The following CCAR1 variants were observed in gnomAD, a reference collection of about 807,000 sequenced individuals.
CCAR1 encodes cell division cycle and apoptosis regulator 1, also known as cell division cycle and apoptosis regulator protein 1.
CCAR1 carries 78 observed loss-of-function variants against 163.8 expected under a neutral mutation model. That is an observed-to-expected ratio of 0.48 (90% CI 0.40 to 0.57). The LOEUF (loss-of-function observed/expected upper bound fraction) is 0.57. CCAR1 is among the 20% of genes least tolerant of loss of function. CCAR1 has a pLI of 0.00. For synonymous variants in CCAR1, 443 were observed against 460.7 expected (o/e 0.96, Z 0.49); for missense variants, 1,019 against 1,365.2 (o/e 0.75, Z 4.00).
chr10:68,738,637 C>T (rs1355684664), intron 4 of CCAR1, among the ~76,000 whole-genome samples: 2 of 151,582 alleles, frequency 1.3e-5, no homozygotes, highest in Admixed American at 1.3e-4. Context: ...ATTTTTGTTA[C>T]ATTAACTAAC....
At chr10:68,778,982 C>G (rs900653663) in intron 19 of CCAR1, among the ~76,000 whole-genome samples, 2 of 152,196 alleles carry the variant, frequency 1.3e-5, no homozygotes, top group Non-Finnish European at 2.9e-5. Context: ...TCCTGAGTAG[C>G]TGGGATCACA....
chr10:68,774,181 T>C (rs1219036012), intron 19 of CCAR1, among the ~76,000 whole-genome samples: 3 of 151,940 alleles, frequency 2.0e-5, no homozygotes, highest in Non-Finnish European at 4.4e-5. Context: ...CCTGAGCCAC[T>C]GTGCCCGGCC....
chr10:68,760,246 C>G (rs977454131), intron 15 of CCAR1, among the ~76,000 whole-genome samples: 2 of 152,128 alleles, frequency 1.3e-5, no homozygotes, highest in African/African-American at 4.8e-5. Context: ...CTCCTGGGCT[C>G]AAGCAGTCTT....
chr10:68,737,901 T>A lies in CCAR1; in HGVS notation c.291+12T>A, dbSNP rs756366488. 1 of 1,567,008 alleles carries A rather than the reference T, an allele frequency of 6.4e-7. No homozygotes were observed. On this transcript the variant is annotated intron_variant, in intron 4 of 24. Coordinates refer to ENST00000265872, the MANE Select transcript of CCAR1 (RefSeq NM_018237.4). The stretch of plus-strand genomic sequence containing the variant: ...GTGTGCAACAACAGGTTAGTTTATA[T>A]TTTCCGTGTTAAAAACTGATTTTAA...
rs2056860045 is a variant in CCAR1, at chr10:68,792,364, T to C, written c.*1098T>C. On this transcript the variant is annotated 3_prime_UTR_variant, in exon 25 of 25. Coordinates refer to ENST00000265872, the MANE Select transcript of CCAR1 (RefSeq NM_018237.4). Reference sequence around the variant, plus strand: ...ATTAAGTCTTCTTTAATTAAAGATATTTTTTTAAATTAACCTGTGTACTTC... The same window carrying C: ...ATTAAGTCTTCTTTAATTAAAGATACTTTTTTAAATTAACCTGTGTACTTC... The C allele has an allele frequency of 6.6e-6, 1 of 152,154 alleles. No individual in the cohort carries two copies. Among genetic ancestry groups the C allele is most frequent in the Non-Finnish European group, 1.5e-5 (1 of 68,038 alleles). 9.4% of individuals were successfully genotyped at this position (152,154 alleles called of 1,614,324 possible).
intron 2 of CCAR1, among the ~76,000 whole-genome samples, chr10:68,732,143 C>T (rs1171494611): frequency 6.6e-6 from 1 of 152,042 alleles, no homozygotes; most frequent in African/African-American, 2.4e-5. Context: ...AATCTAAGGC[C>T]GTGGTTCAGG....
intron 19 of CCAR1, among the ~76,000 whole-genome samples, chr10:68,775,687 CTTTTTTTTTT>C (rs71028782): frequency 9.5e-4 from 49 of 51,750 alleles, no homozygotes; most frequent in African/African-American, 3.7e-3. Context: ...TTTTTCTTTT[CTTTTTTTTTT>C]TTTTTTTTTT....
intron 15 of CCAR1, among the ~76,000 whole-genome samples, chr10:68,759,611 C>T (rs1259546844): frequency 6.6e-6 from 1 of 151,768 alleles, no homozygotes; most frequent in Non-Finnish European, 1.5e-5. Flanking sequence ...ATAGTCCTAG[C>T]TACTCAGGAG....
At chr10:68,742,807 G>A (rs1470256647) in intron 6 of CCAR1, among the ~76,000 whole-genome samples, 1 of 151,982 alleles carries the variant, frequency 6.6e-6, no homozygotes, top group African/African-American at 2.4e-5. Context: ...TTAGAGAATG[G>A]GATTTCACCA....
chr10:68,756,571 A>C lies in CCAR1; in HGVS notation c.1836+88A>C. 2.0e-6 allele frequency: 2 copies of C among 1,006,048 alleles called. No homozygotes were observed. Among genetic ancestry groups the C allele is most frequent in the Non-Finnish European group, 3.1e-6 (2 of 652,550 alleles). 62.3% of individuals were successfully genotyped at this position (1,006,048 alleles called of 1,614,324 possible). ...ATGCACACCACACACTACATAATAA[A>C]CACACATGGAGGAACATAACTGGTA... On this transcript the variant is annotated intron_variant, in intron 14 of 24. Transcript: ENST00000265872. This position sits in a 1 kb window ranked among gnomAD's most constrained non-coding sequence, Gnocchi z 5.1.
chr10:68,741,698 T>A (rs1197255549), intron 5 of CCAR1, among the ~76,000 whole-genome samples: 1 of 152,222 alleles, frequency 6.6e-6, no homozygotes, highest in Admixed American at 6.6e-5. Flanking sequence ...TATGCATATT[T>A]GAATAAAACA....
chr10:68,767,985 T>C (rs956224310), intron 17 of CCAR1, among the ~76,000 whole-genome samples: 2 of 152,240 alleles, frequency 1.3e-5, no homozygotes, highest in African/African-American at 4.8e-5. Flanking sequence ...AAATCATATC[T>C]AAAATTATTA....
At chr10:68,737,748 A>G in intron 3 of CCAR1, 97 bp from the exon 4 acceptor site, 24 of 595,326 alleles carry the variant, frequency 4.0e-5, no homozygotes, top group Non-Finnish European at 8.6e-6. Context: ...GTTTATGTTT[A>G]GTGTAATTGT....
At chr10:68,734,851 A>G (rs1247270242) in intron 2 of CCAR1, among the ~76,000 whole-genome samples, 1 of 152,166 alleles carries the variant, frequency 6.6e-6, no homozygotes, top group Non-Finnish European at 1.5e-5. Context: ...ATTTAATGGA[A>G]TTGGGTAAAA....
chr10:68,786,039 C>T lies in CCAR1; in HGVS notation c.2651-97C>T, dbSNP rs1404324368. ...CTCACTACACCCTCGAACGCCTGGC[C>T]CTCCTGAGTAGCTGGGATAACAGTC... On this transcript the variant is annotated intron_variant, in intron 19 of 24. Transcript: ENST00000265872. 8 of 763,970 alleles carry T rather than the reference C, an allele frequency of 1.0e-5. No individual in the cohort carries two copies. In the East Asian group the frequency reaches 1.9e-4, roughly 18 times the overall value. The allele number at this position is 763,970 out of a possible 1,614,324, so 47.3% of individuals were successfully genotyped here.
At chr10:68,780,969 C>T (rs1317925015) in intron 19 of CCAR1, among the ~76,000 whole-genome samples, 2 of 152,134 alleles carry the variant, frequency 1.3e-5, no homozygotes, top group African/African-American at 4.8e-5. Context: ...CGGTGGCTCA[C>T]GCTTGTAATC....
chr10:68,774,120 C>T (rs2056634734), intron 19 of CCAR1, among the ~76,000 whole-genome samples: 1 of 151,828 alleles, frequency 6.6e-6, no homozygotes, highest in African/African-American at 2.4e-5. Flanking sequence ...TCGAACTCCC[C>T]ACCTCAGGTG....
chr10:68,742,475 ACC>A lies in CCAR1; in HGVS notation c.426_427del (p.Gln143AlafsTer16). 1 of 1,614,146 alleles carries A rather than the reference ACC, an allele frequency of 6.2e-7. No individual in the cohort carries two copies. The highest frequency in any genetic ancestry group is 8.5e-7 in the Non-Finnish European group (1 of 1,180,012). On this transcript the variant is annotated frameshift_variant, in exon 6 of 25. Coordinates refer to ENST00000265872, the MANE Select transcript of CCAR1 (RefSeq NM_018237.4). LOFTEE classifies it high-confidence loss of function. The stretch of plus-strand genomic sequence containing the variant: ...AACACCAAGGTCCAGTCAACAGCAA[ACC>A]CAGCCTCAGAAGCAGCGTGTTTTCA... ...YPTPRSSQQQ[T>X]QPQKQRVFTG...
chr10:68,757,535 C>T (rs1268351058), intron 15 of CCAR1, among the ~76,000 whole-genome samples, 158 bp downstream of exon 15: 2 of 152,180 alleles, frequency 1.3e-5, no homozygotes, highest in Non-Finnish European at 1.5e-5. Flanking sequence ...TTGCCTCAGC[C>T]TCCTGAGTAG....
Sources: allele counts gnomAD v4.1 joint callset (sites outside exome capture counted in the v4.1 genomes callset), GRCh38; gene constraint gnomAD v4.1.1; non-coding constraint Gnocchi (gnomAD v3.1); transcripts MANE v1.5; gene names NCBI Gene and HGNC (gene_info 2026-07-23, HGNC 2026-07-21).